Variants in SHC2 observed in about 807,000 individuals in gnomAD.
SHC2 encodes the protein SHC-transforming protein 2.
Under a neutral mutation model 60.6 loss-of-function variants are expected in SHC2, and 62 were observed. That is an observed-to-expected ratio of 1.02 (90% CI 0.83 to 1.26). The LOEUF (loss-of-function observed/expected upper bound fraction) is 1.26. Among genes scored for constraint, SHC2 ranks in the 50% most tolerant of loss-of-function variants. The pLI is 0.00. For missense variants in SHC2, 873 were observed against 822.2 expected (o/e 1.06, Z -0.76); for synonymous variants, 375 against 372.4 (o/e 1.01, Z -0.08).
At chr19:442,921 G>A (rs1334304197) in intron 1 of SHC2, among the ~76,000 whole-genome samples, 2 of 146,044 alleles carry the variant, frequency 1.4e-5, no homozygotes, top group African/African-American at 2.5e-5. Context: ...ACGGGTGGGT[G>A]GATGGGTGGA....
Position 425,218 on chromosome 19 carries a change from G to T in SHC2, c.1188C>A (p.Asp396Glu). 1 of 1,337,360 alleles carries T rather than the reference G, an allele frequency of 7.5e-7. No individual in the cohort carries two copies. The highest frequency in any genetic ancestry group is 9.7e-7 in the Non-Finnish European group (1 of 1,034,414). 82.8% of individuals were successfully genotyped at this position (1,337,360 alleles called of 1,614,324 possible). A position where few individuals can be genotyped will look rare whatever the true frequency, so the allele number is the denominator to read the frequency against. The change falls in exon 10 of 13, where the codon GAC becomes GAA. Residue 396 changes from aspartate to glutamate, a missense_variant. Asp to Glu is a conservative substitution (Grantham distance 45). Transcript: ENST00000264554. This position sits in a 1 kb window ranked among gnomAD's most constrained non-coding sequence, Gnocchi z 4.1. ...VGSTGTAPPG[D>E]GYVQADARGP... ...CCCGGGCGTCCGCCTGCACGTAGCC[G>T]TCCCCCGGTGGAGCTGGGGAGTGTA... is the stretch of plus-strand genomic sequence containing the variant.
At chr19:439,080 A>T in intron 2 of SHC2, 50 bp from the exon 3 acceptor site, 3 of 706,406 alleles carry the variant, frequency 4.2e-6, no homozygotes, top group South Asian at 2.4e-5. Context: ...GTGGCCATGG[A>T]GGGAGCTGGG....
At chr19:435,958 A>T (rs1399089183) in intron 7 of SHC2, 1 of 570,290 alleles carries the variant, frequency 1.8e-6, no homozygotes, top group African/African-American at 1.9e-5. Flanking sequence ...AGTCCTCCCC[A>T]ATCCTGGGGG....
chr19:438,667 T>A lies in SHC2; in HGVS notation c.720+51A>T. 2.6e-6 allele frequency: 4 copies of A among 1,540,590 alleles called. No individual in the cohort carries two copies. The highest frequency in any genetic ancestry group is 2.6e-6 in the Non-Finnish European group (3 of 1,144,006). On this transcript the variant is annotated intron_variant, in intron 4 of 12. Coordinates refer to ENST00000264554, the MANE Select transcript of SHC2 (RefSeq NM_012435.3). The surrounding 1 kb of genome is among the most constrained non-coding windows in gnomAD (Gnocchi z 5.0). ...CCCACCTGGCTTTGCCTCCTAGGAC[T>A]CCTGGCCCCTCTGGGGGTCTGGGGA...
chr19:454,980 T>C (rs1158948714), intron 1 of SHC2, among the ~76,000 whole-genome samples: 1 of 152,104 alleles, frequency 6.6e-6, no homozygotes, highest in Non-Finnish European at 1.5e-5. Flanking sequence ...CCCGCGTCCT[T>C]CTCTCTGTGC....
intron 1 of SHC2, among the ~76,000 whole-genome samples, chr19:450,916 T>G (rs112782431): frequency 5.9e-5 from 7 of 119,222 alleles, no homozygotes; most frequent in Admixed American, 2.5e-4. Flanking sequence ...TGGATGGCCA[T>G]GCCGTGGCCA....
At chr19:419,190 C>T (rs748943294) in intron 11 of SHC2, 134 bp from the exon 12 acceptor site, 14 of 1,011,838 alleles carry the variant, frequency 1.4e-5, no homozygotes, top group Middle Eastern at 3.3e-4. Flanking sequence ...CAGGGAATTC[C>T]GGGACACCAG....
At chr19:418,581 C>T (rs996023892) in intron 12 of SHC2, among the ~76,000 whole-genome samples, 25 of 152,312 alleles carry the variant, frequency 1.6e-4, no homozygotes, top group African/African-American at 5.5e-4. Context: ...GAGGACGTCA[C>T]GCTCAGTGAG....
At chr19:431,356 G>A (rs574028562) in intron 8 of SHC2, among the ~76,000 whole-genome samples, 30 of 142,636 alleles carry the variant, frequency 2.1e-4, no homozygotes, top group African/African-American at 7.2e-4. Context: ...GAGATCGTGA[G>A]TGAGAGATAG....
intron 1 of SHC2, among the ~76,000 whole-genome samples, chr19:454,738 C>T (rs375604851): frequency 3.1e-3 from 470 of 152,054 alleles, no homozygotes; most frequent in African/African-American, 0.011. Context: ...TGCGGTGAGC[C>T]GAGATCGCGC....
Position 430,751 on chromosome 19 carries a change from G to T in SHC2, c.1111-4C>A. ...CTCTTAGAGAAGGAGATGGGCCCTGGAAACAGAGCAGTGAGAGGTTCCCCG... is the reference window on the plus strand; with the variant it reads ...CTCTTAGAGAAGGAGATGGGCCCTGTAAACAGAGCAGTGAGAGGTTCCCCG... On this transcript the variant is annotated splice_region_variant and splice_polypyrimidine_tract_variant and intron_variant, in intron 8 of 12. Coordinates refer to ENST00000264554, the MANE Select transcript of SHC2 (RefSeq NM_012435.3). The T allele has an allele frequency of 6.2e-7, 1 of 1,612,974 alleles. No individual in the cohort carries two copies. Among genetic ancestry groups the T allele is most frequent in the Non-Finnish European group, 8.5e-7 (1 of 1,179,762 alleles).
intron 11 of SHC2, among the ~76,000 whole-genome samples, chr19:420,281 C>T (rs1362570717): frequency 1.3e-5 from 2 of 152,188 alleles, no homozygotes; most frequent in South Asian, 4.1e-4. Context: ...AGCCCTGCCC[C>T]CTCCAGCTCT....
At chr19:452,319 AGGTGTGCGTTTCTCCGTTTC>A (rs1975221557) in intron 1 of SHC2, among the ~76,000 whole-genome samples, 2 of 97,922 alleles carry the variant, frequency 2.0e-5, no homozygotes, top group East Asian at 5.4e-4. Flanking sequence ...GTTCCTGCGT[AGGTGTGCGTTTCTCCGTTTC>A]ATTGAGGTTG....
rs1024782140 is a variant in SHC2, at chr19:422,016, G to A, written c.1620+130C>T. 58 of 969,642 alleles carry A rather than the reference G, an allele frequency of 6.0e-5. No individual in the cohort carries two copies. The highest frequency in any genetic ancestry group is 2.7e-4 in the African/African-American group (16 of 59,172). The allele number at this position is 969,642 out of a possible 1,614,324, so 60.1% of individuals were successfully genotyped here. A position where few individuals can be genotyped will look rare whatever the true frequency, so the allele number is the denominator to read the frequency against. The stretch of plus-strand genomic sequence containing the variant: ...AACATGGAAAGCTCCTGCATGCCCC[G>A]AGACCCTCGAGACCCTTGAGACCCT... On this transcript the variant is annotated intron_variant, in intron 11 of 12. Coordinates refer to ENST00000264554, the MANE Select transcript of SHC2 (RefSeq NM_012435.3). The surrounding 1 kb of genome is among the most constrained non-coding windows in gnomAD (Gnocchi z 5.0).
rs375466597 is a variant in SHC2 at position 437,242 on chromosome 19, A to G, written c.721-559T>C. On this transcript the variant is annotated intron_variant, in intron 4 of 12. Coordinates refer to ENST00000264554, the MANE Select transcript of SHC2 (RefSeq NM_012435.3). Reference sequence around the variant, plus strand: ...CATCTGCGTGCTCGTTTGCGAGCTCATCTGCGTGCTCGTTTGCGTGCTCGT... The same window carrying G: ...CATCTGCGTGCTCGTTTGCGAGCTCGTCTGCGTGCTCGTTTGCGTGCTCGT... Among the ~76,000 whole-genome samples, 489 of 151,782 alleles carry G rather than the reference A, an allele frequency of 3.2e-3. 2 individuals are homozygous for G. Among genetic ancestry groups the G allele is most frequent in the African/African-American group, 9.3e-3 (385 of 41,358 alleles).
chr19:430,519 G>C (rs1375392052), intron 9 of SHC2, among the ~76,000 whole-genome samples, 165 bp downstream of exon 9: 1 of 152,216 alleles, frequency 6.6e-6, no homozygotes, highest in African/African-American at 2.4e-5. Flanking sequence ...AGGAAAAACA[G>C]ACACTGATGA....
intron 12 of SHC2, among the ~76,000 whole-genome samples, 197 bp from the exon 13 acceptor site, chr19:417,519 G>A (rs1974180350): frequency 2.6e-5 from 4 of 152,222 alleles, no homozygotes; most frequent in South Asian, 2.1e-4. Context: ...ACCTAGGGCA[G>A]TGCCCTAACC....
chr19:459,120 AT>A (rs1362553465), intron 1 of SHC2, among the ~76,000 whole-genome samples: 5 of 124,284 alleles, frequency 4.0e-5, no homozygotes, highest in Admixed American at 8.0e-5. Flanking sequence ...CCTGTTCCCA[AT>A]ATAAGGTAAT....
intron 7 of SHC2, among the ~76,000 whole-genome samples, chr19:435,161 C>T (rs1037045101): frequency 1.3e-5 from 2 of 152,366 alleles, no homozygotes; most frequent in East Asian, 1.9e-4. Context: ...CAGCAGAGGG[C>T]ATGAGCCAAG....
Sources: gnomAD v4.1 joint callset for allele counts (sites outside exome capture counted in the v4.1 genomes callset) on GRCh38, gnomAD v4.1.1 for gene constraint, Gnocchi (gnomAD v3.1) non-coding constraint, MANE v1.5 for transcripts, NCBI Gene and HGNC (gene_info 2026-07-23, HGNC 2026-07-21) for gene names.